CTNNA3: variants seen among roughly 807,000 people sequenced by gnomAD.
CTNNA3 encodes the protein catenin alpha 3, also known as catenin alpha-3.
In CTNNA3, 76 loss-of-function variants were observed where a neutral mutation model predicts 95.7. The observed-to-expected ratio is 0.79, with a 90% CI of 0.66 to 0.96. The LOEUF (loss-of-function observed/expected upper bound fraction) is 0.96. CTNNA3 is among the 40% of genes least tolerant of loss of function. CTNNA3 has a pLI of 0.00. For synonymous variants in CTNNA3, 431 were observed against 374.4 expected (o/e 1.15, Z -1.74); for missense variants, 1,191 against 1,089.8 (o/e 1.09, Z -1.31).
chr10:67,624,419 T>A (rs1843957203), intron 2 of CTNNA3, among the ~76,000 whole-genome samples: 1 of 152,192 alleles, frequency 6.6e-6, no homozygotes, highest in Non-Finnish European at 1.5e-5. Context: ...AATCATTTAC[T>A]ACACCCCAAG....
intron 5 of CTNNA3, among the ~76,000 whole-genome samples, chr10:67,362,523 A>G (rs1431279179): frequency 6.6e-6 from 1 of 152,152 alleles, no homozygotes; most frequent in African/African-American, 2.4e-5. Flanking sequence ...AAACAAAACC[A>G]TATATCATCT....
intron 1 of CTNNA3, among the ~76,000 whole-genome samples, chr10:67,749,563 T>C (rs111399772): frequency 1.3e-5 from 2 of 152,252 alleles, no homozygotes; most frequent in Non-Finnish European, 2.9e-5. Context: ...GAATGACTCC[T>C]AGGTAAATAA....
chr10:67,666,989 T>G (rs1021070856), intron 1 of CTNNA3, among the ~76,000 whole-genome samples: 2 of 152,122 alleles, frequency 1.3e-5, no homozygotes, highest in South Asian at 4.1e-4. Context: ...ACAACAATCT[T>G]ACATAAAGAT....
intron 11 of CTNNA3, among the ~76,000 whole-genome samples, chr10:66,417,008 A>G (rs1416353334): frequency 6.6e-6 from 1 of 152,026 alleles, no homozygotes; most frequent in Non-Finnish European, 1.5e-5. Flanking sequence ...TAAAACAATT[A>G]ACAAAATGAC....
At chr10:67,055,128 C>T (rs781656981) in intron 7 of CTNNA3, 8 of 151,978 alleles carry the variant, frequency 5.3e-5, no homozygotes, top group South Asian at 2.1e-4. Flanking sequence ...GTCCAAATTC[C>T]ACCTCTCCTG....
At chr10:67,763,317 T>G (rs1026969160) in intron 1 of CTNNA3, among the ~76,000 whole-genome samples, 6 of 152,102 alleles carry the variant, frequency 3.9e-5, no homozygotes, top group African/African-American at 1.4e-4. Context: ...CAGACAAAAT[T>G]TATCCTTACA....
upstream of CTNNA3, among the ~76,000 whole-genome samples, chr10:67,699,256 T>TA (rs550764081): frequency 8.5e-4 from 129 of 152,158 alleles, no homozygotes; most frequent in Middle Eastern, 6.8e-3. Flanking sequence ...GGTTGCTACT[T>TA]AGTTCTCTGT....
intron 9 of CTNNA3, among the ~76,000 whole-genome samples, chr10:66,760,519 C>T (rs552776981): frequency 6.6e-6 from 1 of 152,202 alleles, no homozygotes; most frequent in African/African-American, 2.4e-5. Context: ...TTATTGTTTA[C>T]TTCTTGCCAA....
chr10:66,972,098 G>C (rs1454532784), intron 7 of CTNNA3, among the ~76,000 whole-genome samples: 4 of 151,912 alleles, frequency 2.6e-5, no homozygotes, highest in Non-Finnish European at 5.9e-5. Flanking sequence ...GCTTTGTTTA[G>C]TGTTGCCATA....
intron 7 of CTNNA3, among the ~76,000 whole-genome samples, chr10:66,806,052 TG>T (rs1339977811): frequency 6.6e-6 from 1 of 151,978 alleles, no homozygotes; most frequent in African/African-American, 2.4e-5. Context: ...GAAAATTAGT[TG>T]GGAAAAAGGT....
chr10:66,530,775 C>T (rs1841438106), intron 10 of CTNNA3, among the ~76,000 whole-genome samples: 1 of 152,122 alleles, frequency 6.6e-6, no homozygotes. Context: ...GGATCACTCA[C>T]ACGGAAACTT....
At chr10:66,210,715 CT>C (rs2088092626) in intron 13 of CTNNA3, among the ~76,000 whole-genome samples, 6 of 151,866 alleles carry the variant, frequency 4.0e-5, no homozygotes, top group Non-Finnish European at 7.4e-5. Context: ...TCAGTGTATG[CT>C]AAAATATATA....
At chr10:67,214,061 G>A (rs558510821) in intron 6 of CTNNA3, among the ~76,000 whole-genome samples, 41 of 151,794 alleles carry the variant, frequency 2.7e-4, no homozygotes, top group African/African-American at 5.3e-4. Flanking sequence ...GCTAGATTTC[G>A]TTTTATATTC....
At chr10:65,927,517 G>A (rs2077185553) in intron 17 of CTNNA3, among the ~76,000 whole-genome samples, 1 of 152,068 alleles carries the variant, frequency 6.6e-6, no homozygotes, top group South Asian at 2.1e-4. Context: ...CAGATTAGAT[G>A]TATATTTTCT....
At chr10:66,106,321 T>G (rs1251619370) in intron 13 of CTNNA3, among the ~76,000 whole-genome samples, 6 of 139,036 alleles carry the variant, frequency 4.3e-5, no homozygotes, top group Admixed American at 7.7e-5. Context: ...TCTGGAAGTT[T>G]TGTGTGTGTG....
intron 5 of CTNNA3, among the ~76,000 whole-genome samples, chr10:67,293,051 G>T (rs1484134003): frequency 6.6e-6 from 1 of 151,978 alleles, no homozygotes; most frequent in Non-Finnish European, 1.5e-5. Flanking sequence ...CAATAAAGCA[G>T]AACCATCAGA....
intron 13 of CTNNA3, among the ~76,000 whole-genome samples, chr10:66,144,409 A>T (rs2083769553): frequency 1.3e-5 from 2 of 152,164 alleles, no homozygotes; most frequent in Admixed American, 1.3e-4. Flanking sequence ...AAATGTTAGG[A>T]ATTTAATTAA....
chr10:66,998,075 C>T (rs1293707909), intron 7 of CTNNA3, among the ~76,000 whole-genome samples: 4 of 152,180 alleles, frequency 2.6e-5, no homozygotes, highest in African/African-American at 9.6e-5. Context: ...TCTTCTACAA[C>T]AATTGTAATT....
At chr10:66,152,273 G>A (rs563949712) in intron 13 of CTNNA3, among the ~76,000 whole-genome samples, 3 of 151,788 alleles carry the variant, frequency 2.0e-5, no homozygotes, top group Non-Finnish European at 4.4e-5. Flanking sequence ...AATTTTACAA[G>A]CACTTGGAAA....
Sources: allele counts gnomAD v4.1 joint callset (sites outside exome capture counted in the v4.1 genomes callset), GRCh38; gene constraint gnomAD v4.1.1; transcripts MANE v1.5; gene names NCBI Gene and HGNC (gene_info 2026-07-23, HGNC 2026-07-21).